MDGA2: variants seen among roughly 807,000 people sequenced by gnomAD.
The protein encoded by MDGA2 is MAM domain-containing glycosylphosphatidylinositol anchor protein 2.
In MDGA2, 40 loss-of-function variants were observed where a neutral mutation model predicts 117.8. That is an observed-to-expected ratio of 0.34 (90% CI 0.26 to 0.44). The LOEUF (loss-of-function observed/expected upper bound fraction) is 0.44. MDGA2 is among the 20% of genes least tolerant of loss of function. MDGA2 has a pLI of 1.00. For missense variants in MDGA2, 1,123 were observed against 1,250.6 expected (o/e 0.90, Z 1.54); for synonymous variants, 452 against 439.0 (o/e 1.03, Z -0.37).
At chr14:47,265,120 T>C (rs1887922464) in intron 2 of MDGA2, among the ~76,000 whole-genome samples, 1 of 152,152 alleles carries the variant, frequency 6.6e-6, no homozygotes. Flanking sequence ...GTTTTCAAAT[T>C]ACCACTATAA....
intron 2 of MDGA2, among the ~76,000 whole-genome samples, chr14:47,272,627 G>T (rs966727160): frequency 3.9e-5 from 6 of 151,998 alleles, no homozygotes; most frequent in African/African-American, 1.4e-4. Context: ...GGCTTTTAAT[G>T]AAGAAGAAAA....
chr14:47,029,329 G>T (rs1267758170), intron 8 of MDGA2, among the ~76,000 whole-genome samples: 1 of 151,894 alleles, frequency 6.6e-6, no homozygotes, highest in Non-Finnish European at 1.5e-5. Context: ...GAGGAACATG[G>T]GTTTATCAAT....
intron 1 of MDGA2, among the ~76,000 whole-genome samples, chr14:47,621,771 A>T (rs1353353345): frequency 1.3e-5 from 2 of 152,212 alleles, no homozygotes; most frequent in Non-Finnish European, 1.5e-5. Context: ...GGGGCTGCTC[A>T]TTCTGTTTAG....
intron 2 of MDGA2, among the ~76,000 whole-genome samples, chr14:47,220,107 T>G (rs2139519894): frequency 6.6e-6 from 1 of 152,172 alleles, no homozygotes; most frequent in Non-Finnish European, 1.5e-5. Context: ...CTTAGAAAAT[T>G]TTTCCTCCCT....
intron 2 of MDGA2, among the ~76,000 whole-genome samples, chr14:47,271,385 T>C (rs1299380541): frequency 6.6e-6 from 1 of 152,220 alleles, no homozygotes. Flanking sequence ...AGTTTGCATG[T>C]GTTTTTTCTT....
chr14:47,472,739 G>C (rs1287481651), intron 1 of MDGA2, among the ~76,000 whole-genome samples: 1 of 152,070 alleles, frequency 6.6e-6, no homozygotes, highest in Admixed American at 6.6e-5. Context: ...AAGAAGCTGT[G>C]GAGAGGGCTC....
intron 1 of MDGA2, among the ~76,000 whole-genome samples, chr14:47,374,409 T>C (rs549913659): frequency 6.6e-6 from 1 of 152,242 alleles, no homozygotes; most frequent in Non-Finnish European, 1.5e-5. Context: ...ATAAGCAAGA[T>C]TGCCAGACCG....
At chr14:47,436,242 T>C (rs1892895631) in intron 1 of MDGA2, among the ~76,000 whole-genome samples, 1 of 152,174 alleles carries the variant, frequency 6.6e-6, no homozygotes, top group Non-Finnish European at 1.5e-5. Flanking sequence ...AATTCAAGAT[T>C]TTTTAAATGG....
At chr14:47,474,838 T>C (rs1893803138) in intron 1 of MDGA2, among the ~76,000 whole-genome samples, 1 of 152,046 alleles carries the variant, frequency 6.6e-6, no homozygotes. Flanking sequence ...TTAACTCAAA[T>C]AGATTAAAGA....
At chr14:47,044,111 T>C (rs981141994) in intron 7 of MDGA2, among the ~76,000 whole-genome samples, 2 of 151,958 alleles carry the variant, frequency 1.3e-5, no homozygotes, top group African/African-American at 4.8e-5. Flanking sequence ...TCTTGATTGA[T>C]TGATAGAGCA....
At chr14:47,230,068 T>C (rs1022232707) in intron 2 of MDGA2, among the ~76,000 whole-genome samples, 4 of 152,020 alleles carry the variant, frequency 2.6e-5, no homozygotes, top group African/African-American at 9.7e-5. Context: ...CTCAATCTTG[T>C]TGAAAATGAA....
At chr14:47,191,989 A>G (rs1885128844) in intron 3 of MDGA2, among the ~76,000 whole-genome samples, 1 of 152,186 alleles carries the variant, frequency 6.6e-6, no homozygotes. Context: ...CTTAGTGAGC[A>G]TACTGGAGAA....
chr14:47,473,696 A>G (rs888213615), intron 1 of MDGA2, among the ~76,000 whole-genome samples: 37 of 152,304 alleles, frequency 2.4e-4, no homozygotes, highest in African/African-American at 7.0e-4. Context: ...TAAGATTATC[A>G]TATAAACAGA....
chr14:46,963,178 A>G (rs1671038915), intron 8 of MDGA2, among the ~76,000 whole-genome samples: 1 of 152,178 alleles, frequency 6.6e-6, no homozygotes, highest in South Asian at 2.1e-4. Flanking sequence ...ACTGTCCATG[A>G]TTTTAAAAGA....
At chr14:46,904,018 C>G in intron 10 of MDGA2, among the ~76,000 whole-genome samples, 1 of 152,040 alleles carries the variant, frequency 6.6e-6, no homozygotes. Context: ...GCTTTATAAA[C>G]AAGGGTGTTT....
At chr14:46,899,492 T>G (rs1764663351) in intron 10 of MDGA2, among the ~76,000 whole-genome samples, 1 of 151,910 alleles carries the variant, frequency 6.6e-6, no homozygotes, top group Admixed American at 6.6e-5. Context: ...AGAAATATAT[T>G]ACTGCCCAAG....
At chr14:47,359,567 TGGGAAAACTGGATATCCACAG>T (rs1378873665) in intron 1 of MDGA2, among the ~76,000 whole-genome samples, 1 of 151,890 alleles carries the variant, frequency 6.6e-6, no homozygotes, top group Admixed American at 6.6e-5. Flanking sequence ...CCAGTGCTGT[TGGGAAAACTGGATATCCACAG>T]GCAAAAGAAT....
At chr14:47,549,059 T>A (rs1955802) in intron 1 of MDGA2, among the ~76,000 whole-genome samples, 16,569 of 152,110 alleles carry the variant, frequency 0.11, 1,015 homozygotes, top group Middle Eastern at 0.15. Context: ...ACAGGTCAAA[T>A]AGTGACAAAT....
Position 46,873,586 on chromosome 14 carries a change from A to C in MDGA2, c.2599T>G (p.Tyr867Asp). ...GGTCGTGATGTCTCAATGTACATAT[A>C]AAAACCTTAAAACAGACAAAATAAA... ...ADRSGSKEGF[Y>D]MYIETSRPRL... The change falls in exon 14 of 17, where the codon TAT (tyrosine) becomes GAT (aspartate). Residue 867 changes from tyrosine to aspartate, a missense_variant. This residue lies in a region of MDGA2 where 890 missense variants were observed against 1,050.3 expected (regional missense o/e 0.85). Transcript: ENST00000399232. 6.2e-7 allele frequency: 1 copy of C among 1,610,958 alleles called. No homozygotes were observed. Among genetic ancestry groups the C allele is most frequent in the Middle Eastern group, 1.7e-4 (1 of 6,034 alleles).
Sources: gnomAD v4.1 joint callset for allele counts (sites outside exome capture counted in the v4.1 genomes callset) on GRCh38, gnomAD v4.1.1 for gene constraint, gnomAD v4.1.1 regional missense constraint, MANE v1.5 for transcripts, NCBI Gene and HGNC (gene_info 2026-07-23, HGNC 2026-07-21) for gene names.